MFSD12: variants seen among roughly 807,000 people sequenced by gnomAD.
The protein encoded by MFSD12 is major facilitator superfamily domain-containing protein 12.
Under a neutral mutation model 51.2 loss-of-function variants are expected in MFSD12, and 67 were observed. The observed-to-expected ratio is 1.31, with a 90% CI of 1.08 to 1.60. MFSD12 has a LOEUF of 1.60. Ranked by LOEUF, MFSD12 falls within the 40% of genes most tolerant of loss-of-function variation. The pLI, the probability that MFSD12 is intolerant of heterozygous loss-of-function variation, is 0.00. For synonymous variants in MFSD12, 441 were observed against 316.7 expected (o/e 1.39, Z -4.17); for missense variants, 921 against 673.0 (o/e 1.37, Z -4.08).
downstream of MFSD12, chr19:3,541,759 G>A (rs1057016485): frequency 1.9e-5 from 19 of 985,262 alleles, no homozygotes; most frequent in South Asian, 4.7e-5. Context: ...AGGTGGGTAC[G>A]GGGCCGACAG....
Position 3,544,806 on chromosome 19 carries a change from C to CA in MFSD12, c.1420+2dup, listed in dbSNP as rs1491410028. 6.2e-7 allele frequency: 1 copy of CA among 1,611,994 alleles called. No individual in the cohort carries two copies. Among genetic ancestry groups the CA allele is most frequent in the South Asian group, 1.1e-5 (1 of 90,910 alleles). On this transcript the variant is annotated splice_region_variant and intron_variant, in intron 9 of 9. Transcript: ENST00000355415. ...GGGGAGGGAGGGGTGGGCCAGGACT[C>CA]ACAGCGTCGCAGGCGGGTCGGCCAC...
chr19:3,550,466 A>G (rs1426631890), intron 2 of MFSD12, among the ~76,000 whole-genome samples: 1 of 150,874 alleles, frequency 6.6e-6, no homozygotes, highest in East Asian at 2.0e-4. Flanking sequence ...ATCTTGGCTC[A>G]CTGCAAGCTC....
downstream of MFSD12, chr19:3,543,106 A>T (rs1338304116): frequency 3.3e-5 from 50 of 1,533,806 alleles, no homozygotes; most frequent in Admixed American, 1.4e-4. Context: ...ACAGACTCCA[A>T]GTGGCGAGGG....
At chr19:3,544,166 C>T (rs1447634282), downstream of MFSD12, 5 of 1,380,742 alleles carry the variant, frequency 3.6e-6, no homozygotes, top group South Asian at 5.4e-5. Context: ...TACCCCTGCC[C>T]AGAGCCCCCC....
At chr19:3,549,326 T>C (rs1028118417) in intron 2 of MFSD12, among the ~76,000 whole-genome samples, 15 of 152,290 alleles carry the variant, frequency 9.8e-5, no homozygotes, top group African/African-American at 2.9e-4. Context: ...CCATGGATGT[T>C]ACTCCCAGGA....
In MFSD12 at chr19:3,547,957, C is replaced by A. The variant is rs10414812; in HGVS notation, c.728G>T (p.Arg243Leu). 6.3e-7 allele frequency: 1 copy of A among 1,595,420 alleles called. No homozygotes were observed. The highest frequency in any genetic ancestry group is 1.1e-5 in the South Asian group (1 of 90,520). The change falls in exon 4 of 10, where the codon CGC (arginine) becomes CTC (leucine). Residue 243 changes from arginine to leucine, a missense_variant. Physicochemically the swap from Arg to Leu is moderately radical, Grantham distance 102. Transcript: ENST00000355415. ...LLFHLGTRER[R>L]RPHAEEPGEH... Reference sequence around the variant, plus strand: ...GCCTGGCTCCTCCGCATGCGGCCGGCGCCTCTCCCGGGTGCCCAGGTGGAA... The same window carrying A: ...GCCTGGCTCCTCCGCATGCGGCCGGAGCCTCTCCCGGGTGCCCAGGTGGAA...
At chr19:3,547,235 C>T in intron 6 of MFSD12, 37 bp downstream of exon 6, 2 of 1,576,148 alleles carry the variant, frequency 1.3e-6, no homozygotes, top group Non-Finnish European at 1.7e-6. Context: ...GGCACCCCAT[C>T]CTCCGCCCCA....
At chr19:3,543,519 G>C (rs1461175809), downstream of MFSD12, 27 of 1,529,488 alleles carry the variant, frequency 1.8e-5, no homozygotes, top group East Asian at 6.1e-4. Flanking sequence ...TGCCAGAGGG[G>C]GACAGGAATG....
At chr19:3,539,169 C>T (rs2030139993) in intron 4 of MFSD12, 1 of 1,547,804 alleles carries the variant, frequency 6.5e-7, no homozygotes, top group African/African-American at 1.4e-5. Context: ...CCGGGGGATC[C>T]AGGCAGACAT....
rs753188802 is a variant in MFSD12 at position 3,544,866 on chromosome 19, C to T, written c.1363G>A (p.Val455Met). ...CTACAGAGACACAGGGCAGCGGCCA[C>T]GCCCACGCCGCCCGTCACAGCCACC... ...AMVAVTGGVG[V>M]AAALCLCSLL... Residue 455 changes from valine (V) to methionine (M), a missense_variant, in exon 9 of 10, where the codon GTG becomes ATG. Transcript: ENST00000355415. 1.6e-5 allele frequency: 25 copies of T among 1,610,920 alleles called. No homozygotes were observed. Among genetic ancestry groups the T allele is most frequent in the African/African-American group, 5.3e-5 (4 of 74,868 alleles).
At chr19:3,538,506 C>A (rs2030084083) in exon 5 of MFSD12, 19 of 367,700 alleles carry the variant, frequency 5.2e-5, no homozygotes, top group Non-Finnish European at 8.7e-5. Flanking sequence ...ATTGGTCTGT[C>A]CTGGACATTT....
rs369187318 is a variant in MFSD12 at position 3,546,184 on chromosome 19, C to T, written c.1195-16G>A. ...CTCCGCTGTTCTGTGGAGACACAGG[C>T]GAGGTGGTCAGCGTGCACCCCGAGA... On this transcript the variant is annotated splice_polypyrimidine_tract_variant and intron_variant, in intron 7 of 9. Coordinates refer to ENST00000355415, the MANE Select transcript of MFSD12 (RefSeq NM_174983.5). 1.3e-5 allele frequency: 21 copies of T among 1,611,610 alleles called. No homozygotes were observed. Among genetic ancestry groups the T allele is most frequent in the African/African-American group, 1.2e-4 (9 of 74,908 alleles).
At chr19:3,542,135 T>A, downstream of MFSD12, 1 of 985,410 alleles carries the variant, frequency 1.0e-6, no homozygotes, top group African/African-American at 1.7e-5. Context: ...TAATTGTGTT[T>A]TAAAAGCTAC....
chr19:3,543,766 G>A (rs2030671252), downstream of MFSD12: 2 of 1,490,180 alleles, frequency 1.3e-6, no homozygotes, highest in Non-Finnish European at 1.8e-6. Context: ...GGCGATCCAG[G>A]AGCCCCTTGC....
In MFSD12 at chr19:3,546,353, C is replaced by T. The variant is rs1372622033; in HGVS notation, c.1096G>A (p.Val366Met). ...AGCACAGCCGCTGCGTACACGGCCACACCCAGTCCCTCCGCCAGCGCCACC... is the reference window on the plus strand; with the variant it reads ...AGCACAGCCGCTGCGTACACGGCCATACCCAGTCCCTCCGCCAGCGCCACC... ...AWVALAEGLG[V>M]AVYAAAVLLG... The change falls in exon 7 of 10, where the codon GTG becomes ATG. Residue 366 changes from valine to methionine, a missense_variant. Coordinates refer to ENST00000355415, the MANE Select transcript of MFSD12 (RefSeq NM_174983.5). 5.6e-6 allele frequency: 9 copies of T among 1,607,776 alleles called. No individual in the cohort carries two copies. The highest frequency in any genetic ancestry group is 6.8e-6 in the Non-Finnish European group (8 of 1,178,000).
downstream of MFSD12, chr19:3,542,671 T>C (rs1387474597): frequency 1.5e-5 from 17 of 1,167,684 alleles, no homozygotes; most frequent in Non-Finnish European, 1.8e-5. Flanking sequence ...TTAGTAGAGA[T>C]GGGGTTTTAC....
At chr19:3,543,895 C>A, downstream of MFSD12, 2 of 1,550,916 alleles carry the variant, frequency 1.3e-6, no homozygotes, top group Non-Finnish European at 1.7e-6. Flanking sequence ...CCCTCCCTGT[C>A]GGCACCCCAG....
chr19:3,541,630 A>AT, downstream of MFSD12: 3 of 984,418 alleles, frequency 3.0e-6, no homozygotes, highest in Non-Finnish European at 3.6e-6. Flanking sequence ...GCAAGACCCT[A>AT]TTTCTATTTT....
intron 2 of MFSD12, 45 bp from the exon 3 acceptor site, chr19:3,548,312 G>C: frequency 3.2e-6 from 5 of 1,540,424 alleles, no homozygotes; most frequent in Non-Finnish European, 4.4e-6. Flanking sequence ...CCAGGAACCT[G>C]GGTCACTTCC....
Sources: allele counts gnomAD v4.1 joint callset (sites outside exome capture counted in the v4.1 genomes callset), GRCh38; gene constraint gnomAD v4.1.1; transcripts MANE v1.5; gene names NCBI Gene and HGNC (gene_info 2026-07-23, HGNC 2026-07-21).